The following STRN3 variants were observed in gnomAD, a reference collection of about 807,000 sequenced individuals.
STRN3 encodes striatin 3.
A neutral mutation model predicts 95.6 loss-of-function variants in STRN3; 29 were observed. That is an observed-to-expected ratio of 0.30 (90% CI 0.23 to 0.41). The LOEUF (loss-of-function observed/expected upper bound fraction) is 0.41, where lower values mean the gene tolerates loss of function less well. Ranked by LOEUF, STRN3 falls within the 10% of genes least tolerant of loss-of-function variation. The pLI, the probability that STRN3 is intolerant of heterozygous loss-of-function variation, is 1.00. For synonymous variants in STRN3, 331 were observed against 357.6 expected, an observed-to-expected ratio of 0.93 and a Z score of 0.84; for missense variants, 890 against 972.1, an observed-to-expected ratio of 0.92 and a Z score of 1.12.
intron 1 of STRN3, among the ~76,000 whole-genome samples, chr14:31,005,003 A>G (rs1454953557): frequency 2.0e-5 from 3 of 152,098 alleles, no homozygotes; most frequent in Admixed American, 6.6e-5. Context: ...GCTAAAGGTG[A>G]AAAGAGGAAA....
intron 1 of STRN3, among the ~76,000 whole-genome samples, chr14:31,018,048 C>T (rs1883325298): frequency 6.8e-6 from 1 of 147,648 alleles, no homozygotes; most frequent in Admixed American, 6.8e-5. Flanking sequence ...CACTGCACTC[C>T]AGCCTGGGCA....
chr14:30,965,815 G>C (rs1197353963), intron 1 of STRN3, among the ~76,000 whole-genome samples: 3 of 150,186 alleles, frequency 2.0e-5, no homozygotes, highest in Non-Finnish European at 4.4e-5. Context: ...CATGGGGCCA[G>C]ACATCTGTAA....
intron 7 of STRN3, among the ~76,000 whole-genome samples, chr14:30,934,859 A>C (rs148246305): frequency 6.6e-6 from 1 of 152,324 alleles, no homozygotes; most frequent in South Asian, 2.1e-4. Context: ...CTGAATACAT[A>C]AATTTTTAAA....
At chr14:30,913,355 C>G (rs1210061447) in intron 10 of STRN3, among the ~76,000 whole-genome samples, 169 bp downstream of exon 10, 1 of 151,860 alleles carries the variant, frequency 6.6e-6, no homozygotes, top group Non-Finnish European at 1.5e-5. Flanking sequence ...AATTTAAATA[C>G]CACAAAGAGA....
Position 30,930,647 on chromosome 14 carries a change from TTATC to T in STRN3, c.989-1340_989-1337del, listed in dbSNP as rs142907227. Among the ~76,000 whole-genome samples the T allele has an allele frequency of 2.9e-3, 446 of 152,272 alleles. 5 individuals carry two copies. Among genetic ancestry groups the T allele is most frequent in the African/African-American group, 0.01 (420 of 41,574 alleles). The stretch of plus-strand genomic sequence containing the variant: ...TCATGACTAAAACTTACACCTAAGA[TTATC>T]TATCTGTCAAATCCACAAATTATAA... On this transcript the variant is annotated intron_variant, in intron 7 of 17. Coordinates refer to ENST00000357479, the MANE Select transcript of STRN3 (RefSeq NM_001083893.2).
At chr14:31,023,112 T>C (rs1187115172) in intron 1 of STRN3, among the ~76,000 whole-genome samples, 1 of 152,216 alleles carries the variant, frequency 6.6e-6, no homozygotes, top group African/African-American at 2.4e-5. Flanking sequence ...AAGTGTAGTG[T>C]AGTAATTTTT....
rs199625571 is a variant in STRN3, at chr14:30,902,208, AT to A, written c.2137+327del. Among the ~76,000 whole-genome samples the A allele has an allele frequency of 4.0e-3, 401 of 99,896 alleles. 41 individuals are homozygous for A. The highest frequency in any genetic ancestry group is 0.014 in the South Asian group (40 of 2,810). The allele number at this position is 99,896 out of a possible 152,430, so 65.5% of individuals were successfully genotyped here. On this transcript the variant is annotated intron_variant, in intron 16 of 17. Coordinates refer to ENST00000357479, the MANE Select transcript of STRN3 (RefSeq NM_001083893.2). ...AAAAAAAAAAAAAAAAAAAAAAAAA[AT>A]GGAAATGCCAAACACCAGAAAGAGA...
intron 2 of STRN3, 57 bp downstream of exon 2, chr14:30,956,082 A>AT: frequency 6.9e-7 from 1 of 1,449,926 alleles, no homozygotes; most frequent in Non-Finnish European, 9.7e-7. Flanking sequence ...GTACAATGGT[A>AT]TACATGAGTA....
chr14:31,014,368 G>A (rs967618204), intron 1 of STRN3, among the ~76,000 whole-genome samples: 5 of 151,862 alleles, frequency 3.3e-5, no homozygotes, highest in Admixed American at 1.3e-4. Flanking sequence ...CTACAGGCGC[G>A]TTGACACCAC....
chr14:31,020,190 T>C (rs948086153), intron 1 of STRN3, among the ~76,000 whole-genome samples: 8 of 152,166 alleles, frequency 5.3e-5, no homozygotes, highest in African/African-American at 1.7e-4. Flanking sequence ...CCAAAAATAA[T>C]GTCAACCATA....
In STRN3 at chr14:30,895,322, A is replaced by T; in HGVS notation, c.*89T>A. Reference sequence around the variant, plus strand: ...AGCCTTCACCAGGCAGATCACATGTAGTGTCATATCAGTAACCTTTCTGAT... The same window carrying T: ...AGCCTTCACCAGGCAGATCACATGTTGTGTCATATCAGTAACCTTTCTGAT... On this transcript the variant is annotated 3_prime_UTR_variant, in exon 18 of 18. Transcript: ENST00000357479. 6 of 1,333,060 alleles carry T rather than the reference A, an allele frequency of 4.5e-6. No homozygotes were observed. The highest frequency in any genetic ancestry group is 6.0e-6 in the Non-Finnish European group (6 of 994,504). 82.6% of individuals were successfully genotyped at this position (1,333,060 alleles called of 1,614,324 possible). A position where few individuals can be genotyped will look rare whatever the true frequency, so the allele number is the denominator to read the frequency against.
intron 5 of STRN3, among the ~76,000 whole-genome samples, chr14:30,937,048 C>A (rs1368722404): frequency 6.6e-6 from 1 of 152,068 alleles, no homozygotes; most frequent in African/African-American, 2.4e-5. Flanking sequence ...GGGCCAGGGA[C>A]AGTGCTTCAT....
intron 1 of STRN3, among the ~76,000 whole-genome samples, chr14:30,973,652 GCAGA>G (rs1444629193): frequency 2.0e-5 from 3 of 152,080 alleles, no homozygotes; most frequent in Non-Finnish European, 4.4e-5. Context: ...ATAACCAAAG[GCAGA>G]CAAAGACACT....
chr14:30,910,988 C>T (rs1218356562), intron 13 of STRN3, 53 bp downstream of exon 13: 5 of 1,577,594 alleles, frequency 3.2e-6, no homozygotes, highest in African/African-American at 2.8e-5. Context: ...GAGGTATTTA[C>T]TTTTGTCAGC....
rs138706733 is a variant in STRN3, at chr14:30,966,255, T to A, written c.283-10013A>T. The stretch of plus-strand genomic sequence containing the variant: ...GATAAGAACCCCTTCCCCTCCCTTG[T>A]CCAAGTGTGCGCTCACCATTGTTCC... On this transcript the variant is annotated intron_variant, in intron 1 of 17. Coordinates refer to ENST00000357479, the MANE Select transcript of STRN3 (RefSeq NM_001083893.2). Among the ~76,000 whole-genome samples the A allele has an allele frequency of 9.4e-3, 1,437 of 152,326 alleles. 26 individuals are homozygous for A. Among genetic ancestry groups the A allele is most frequent in the African/African-American group, 0.031 (1,298 of 41,570 alleles).
chr14:30,976,758 T>G (rs1881122481), intron 1 of STRN3, among the ~76,000 whole-genome samples: 2 of 152,214 alleles, frequency 1.3e-5, no homozygotes, highest in Non-Finnish European at 2.9e-5. Flanking sequence ...AACATACTTG[T>G]AAGTGAAACA....
intron 1 of STRN3, 30 bp downstream of exon 1, chr14:31,025,874 A>T: frequency 6.3e-7 from 1 of 1,585,960 alleles, no homozygotes; most frequent in Non-Finnish European, 8.6e-7. Context: ...CAGCCGCCGC[A>T]GCTCCCGCAC....
intron 5 of STRN3, among the ~76,000 whole-genome samples, chr14:30,939,745 A>C (rs551192328): frequency 3.9e-5 from 6 of 152,168 alleles, no homozygotes; most frequent in Non-Finnish European, 8.8e-5. Flanking sequence ...AACCATTTTT[A>C]AACTTATTTT....
intron 5 of STRN3, among the ~76,000 whole-genome samples, chr14:30,944,403 G>A (rs1013590907): frequency 5.3e-5 from 8 of 150,784 alleles, no homozygotes; most frequent in African/African-American, 1.7e-4. Flanking sequence ...ATGAAAACTC[G>A]AAATCAAAGG....
Sources: gnomAD v4.1 joint callset for allele counts (sites outside exome capture counted in the v4.1 genomes callset) on GRCh38, gnomAD v4.1.1 for gene constraint, MANE v1.5 for transcripts, NCBI Gene and HGNC (gene_info 2026-07-23, HGNC 2026-07-21) for gene names.